The following FBXL5 variants were observed in gnomAD, a reference collection of about 807,000 sequenced individuals.
The protein encoded by FBXL5 is F-box and leucine rich repeat protein 5.
Under a neutral mutation model 78.3 loss-of-function variants are expected in FBXL5, and 26 were observed. That is an observed-to-expected ratio of 0.33 (90% CI 0.24 to 0.46). The LOEUF is 0.46. Ranked by LOEUF, FBXL5 falls within the 20% of genes least tolerant of loss-of-function variation. The pLI is 1.00. For synonymous variants in FBXL5, 295 were observed against 282.5 expected (o/e 1.04, Z -0.45); for missense variants, 710 against 829.2 (o/e 0.86, Z 1.77).
At chr4:15,681,557 AG>A (rs1381974398), upstream of FBXL5, 1 of 154,216 alleles carries the variant, frequency 6.5e-6, no homozygotes, top group Non-Finnish European at 1.5e-5. Context: ...GGTGTCTCCT[AG>A]GGTTTCTTGT....
At chr4:15,635,634 T>G (rs1714169697) in intron 5 of FBXL5, among the ~76,000 whole-genome samples, 1 of 151,478 alleles carries the variant, frequency 6.6e-6, no homozygotes, top group East Asian at 2.0e-4. Flanking sequence ...ACGCCTGTAA[T>G]CCCAGCTACT....
At chr4:15,673,789 T>G (rs1717858052) in intron 1 of FBXL5, among the ~76,000 whole-genome samples, 1 of 152,164 alleles carries the variant, frequency 6.6e-6, no homozygotes, top group Non-Finnish European at 1.5e-5. Flanking sequence ...CTGCACTGGT[T>G]TCACCAGGCT....
chr4:15,662,483 A>G (rs775114663), upstream of FBXL5, among the ~76,000 whole-genome samples: 1 of 152,224 alleles, frequency 6.6e-6, no homozygotes, highest in Non-Finnish European at 1.5e-5. Context: ...TAAGCATTCA[A>G]TACTATCTTT....
intron 6 of FBXL5, among the ~76,000 whole-genome samples, chr4:15,628,906 A>G (rs1439588243): frequency 1.3e-5 from 2 of 152,056 alleles, no homozygotes; most frequent in African/African-American, 4.8e-5. Flanking sequence ...ATCTAAATGT[A>G]TACTATTTAC....
At chr4:15,641,180 A>G (rs1490761860) in intron 2 of FBXL5, among the ~76,000 whole-genome samples, 1 of 152,192 alleles carries the variant, frequency 6.6e-6, no homozygotes, top group Non-Finnish European at 1.5e-5. Context: ...TATAATTTCT[A>G]CATGTCAGTT....
In FBXL5 at chr4:15,640,820, C is replaced by A; in HGVS notation, c.364G>T (p.Asp122Tyr). 1.3e-6 allele frequency: 2 copies of A among 1,569,438 alleles called. No individual in the cohort carries two copies. The highest frequency in any genetic ancestry group is 1.7e-6 in the Non-Finnish European group (2 of 1,160,890). The change falls in exon 3 of 11, where the codon GAT (aspartate) becomes TAT (tyrosine). Residue 122 changes from aspartate to tyrosine, a missense_variant. By Grantham distance (160) the Asp-to-Tyr change is radical (BLOSUM62 -3). Transcript: ENST00000341285. ...TCCTCTTTCATGTGAGGAAGAAAAT[C>A]TCTTGTAAAAGCCTCCAATCTCTCT... ...LKERLEAFTRDFLPHMKEEEE... is the reference protein window; with the variant it reads ...LKERLEAFTRYFLPHMKEEEE...
chr4:15,646,593 C>A (rs887152721), intron 1 of FBXL5, among the ~76,000 whole-genome samples: 1 of 151,858 alleles, frequency 6.6e-6, no homozygotes, highest in Non-Finnish European at 1.5e-5. Context: ...ATGTGCACAA[C>A]GTGCAGGTTT....
At chr4:15,673,977 G>T (rs1241711356) in intron 1 of FBXL5, among the ~76,000 whole-genome samples, 2 of 152,080 alleles carry the variant, frequency 1.3e-5, no homozygotes, top group African/African-American at 4.8e-5. Context: ...GGAAAACATT[G>T]TTTTATATAT....
chr4:15,679,562 C>CAAAAAAAAAAAAAAAAA (rs1202369624), intron 1 of FBXL5, among the ~76,000 whole-genome samples: 2 of 94,392 alleles, frequency 2.1e-5, no homozygotes, highest in Non-Finnish European at 4.6e-5. Flanking sequence ...AGTTCAGGAA[C>CAAAAAAAAAAAAAAAAA]AAAAAAAAAA....
chr4:15,623,175 A>C (rs1712660491), intron 9 of FBXL5, among the ~76,000 whole-genome samples: 1 of 152,192 alleles, frequency 6.6e-6, no homozygotes, highest in African/African-American at 2.4e-5. Flanking sequence ...CTTTTAAATA[A>C]AGTGTGCTCC....
Position 15,627,892 on chromosome 4 carries a change from C to T in FBXL5, c.1034G>A (p.Ser345Asn). The T allele has an allele frequency of 6.2e-7, 1 of 1,606,630 alleles. No homozygotes were observed. The highest frequency in any genetic ancestry group is 8.5e-7 in the Non-Finnish European group (1 of 1,177,252). ...LVLAYSSAVSSKMVRQILELC... is the reference protein window; with the variant it reads ...LVLAYSSAVSNKMVRQILELC... ...GTGTTAATTTAAACATACCATTTTGCTGGAAACTGCAGAGCTGTATGCTAA... is the reference window on the plus strand; with the variant it reads ...GTGTTAATTTAAACATACCATTTTGTTGGAAACTGCAGAGCTGTATGCTAA... The change falls in exon 7 of 11, where the codon AGC (serine) becomes AAC (asparagine). Residue 345 changes from serine to asparagine, a missense_variant. Ser to Asn is a conservative substitution (Grantham distance 46, BLOSUM62 1). Transcript: ENST00000341285.
At chr4:15,633,583 G>A (rs1194090368) in intron 5 of FBXL5, among the ~76,000 whole-genome samples, 4 of 152,122 alleles carry the variant, frequency 2.6e-5, no homozygotes, top group South Asian at 2.1e-4. Context: ...GAGATTATGC[G>A]GAATCAATTT....
chr4:15,641,162 T>C (rs2148652059), intron 2 of FBXL5, among the ~76,000 whole-genome samples: 1 of 152,290 alleles, frequency 6.6e-6, no homozygotes, highest in East Asian at 1.9e-4. Context: ...ATAAATTATA[T>C]ACATTTATAT....
intron 1 of FBXL5, among the ~76,000 whole-genome samples, chr4:15,674,744 C>T (rs1381602083): frequency 3.3e-5 from 5 of 151,638 alleles, no homozygotes; most frequent in African/African-American, 4.8e-5. Context: ...CCGCCTCCCA[C>T]GTTCACACTA....
At chr4:15,636,037 T>A (rs945697971) in intron 5 of FBXL5, among the ~76,000 whole-genome samples, 4 of 152,076 alleles carry the variant, frequency 2.6e-5, no homozygotes, top group Admixed American at 2.0e-4. Flanking sequence ...GGAGCCATAA[T>A]GGTATATCAC....
intron 2 of FBXL5, among the ~76,000 whole-genome samples, chr4:15,642,989 C>A (rs1477410907): frequency 2.0e-5 from 3 of 152,118 alleles, no homozygotes; most frequent in African/African-American, 7.2e-5. Context: ...ATTCTCAAGT[C>A]TGATCCCCTC....
Position 15,636,489 on chromosome 4 carries a change from C to T in FBXL5, c.766+5G>A. On this transcript the variant is annotated splice_donor_5th_base_variant and intron_variant, in intron 5 of 10. Coordinates refer to ENST00000341285, the MANE Select transcript of FBXL5 (RefSeq NM_012161.4). Reference sequence around the variant, plus strand: ...TGAAAATATTTTAAAAACCCATTTACCTACCTCTGGCCCAATGAACAGGGT... The same window carrying T: ...TGAAAATATTTTAAAAACCCATTTATCTACCTCTGGCCCAATGAACAGGGT... 1 of 1,533,802 alleles carries T rather than the reference C, an allele frequency of 6.5e-7. No individual in the cohort carries two copies. The highest frequency in any genetic ancestry group is 2.0e-5 in the Admixed American group (1 of 49,798).
chr4:15,605,879 A>G (rs532344802), intron 10 of FBXL5, 80 bp from the exon 11 acceptor site: 1 of 1,018,508 alleles, frequency 9.8e-7, no homozygotes, highest in African/African-American at 1.6e-5. Context: ...AAGGAGTTAA[A>G]CATTCATTGG....
At chr4:15,658,326 T>G (rs1232312890), upstream of FBXL5, among the ~76,000 whole-genome samples, 4 of 152,248 alleles carry the variant, frequency 2.6e-5, no homozygotes, top group Admixed American at 2.6e-4. Context: ...CAACAACTGC[T>G]GCAGCAGGCT....
Sources: allele counts gnomAD v4.1 joint callset (sites outside exome capture counted in the v4.1 genomes callset), GRCh38; gene constraint gnomAD v4.1.1; transcripts MANE v1.5; gene names NCBI Gene and HGNC (gene_info 2026-07-23, HGNC 2026-07-21).